LINC00632: variants seen among roughly 807,000 people sequenced by gnomAD.
LINC00632 encodes the protein long independently transcribed non-coding RNA 632.
intron 3 of LINC00632, among the ~76,000 whole-genome samples, chrX:140,736,058 G>T (rs1931138464): frequency 9.0e-6 from 1 of 111,445 alleles, no homozygotes; most frequent in South Asian, 3.7e-4. Flanking sequence ...ACGTTTTGAG[G>T]TGCATTATTA....
chrX:140,783,564 T>C, exon 5 of LINC00632: 1 of 1,187,698 alleles, frequency 8.4e-7, no homozygotes, highest in Non-Finnish European at 1.1e-6. Flanking sequence ...TAAATCTAGT[T>C]CTTCCAGAAA....
chrX:140,726,683 AT>A (rs1218333018), intron 2 of LINC00632, among the ~76,000 whole-genome samples: 1 of 111,647 alleles, frequency 9.0e-6, no homozygotes, highest in Non-Finnish European at 1.9e-5. Flanking sequence ...AGCACCCCAG[AT>A]TGCATCAGAG....
chrX:140,749,412 A>T (rs1457037587), intron 3 of LINC00632, among the ~76,000 whole-genome samples: 1 of 111,750 alleles, frequency 8.9e-6, no homozygotes, highest in Non-Finnish European at 1.9e-5. Flanking sequence ...TCTTGAAGTT[A>T]AACTAATTGG....
chrX:140,771,335 G>T (rs961619767), intron 3 of LINC00632, among the ~76,000 whole-genome samples: 1 of 101,698 alleles, frequency 9.8e-6, no homozygotes, highest in African/African-American at 4.1e-5. Flanking sequence ...ATATAGAGAG[G>T]ATTAAAAATA....
chrX:140,772,135 C>A, exon 4 of LINC00632: 1 of 295,227 alleles, frequency 3.4e-6, no homozygotes, highest in Non-Finnish European at 5.9e-6. Flanking sequence ...GTTCCACGAT[C>A]GCTTCACAAC....
chrX:140,780,681 G>A (rs1216533238), exon 5 of LINC00632, among the ~76,000 whole-genome samples: 5 of 111,841 alleles, frequency 4.5e-5, no homozygotes, highest in Non-Finnish European at 9.4e-5. Flanking sequence ...GTAAGTCTAC[G>A]TAATCTTACT....
At chrX:140,761,524 CGTT>C (rs1329423284) in intron 3 of LINC00632, among the ~76,000 whole-genome samples, 1 of 112,438 alleles carries the variant, frequency 8.9e-6, no homozygotes, top group African/African-American at 3.2e-5. Context: ...TCTAAGCAAA[CGTT>C]GTTTTGTAGG....
chrX:140,713,696 C>G (rs1000942877), intron 2 of LINC00632: 1 of 342,178 alleles, frequency 2.9e-6, no homozygotes, highest in Non-Finnish European at 5.9e-6. Context: ...CCGACAAGCA[C>G]CACAGCAAAA....
intron 3 of LINC00632, among the ~76,000 whole-genome samples, chrX:140,763,465 A>G (rs1321190356): frequency 9.0e-6 from 1 of 110,946 alleles, no homozygotes; most frequent in African/African-American, 3.3e-5. Context: ...TCAGAAAGAA[A>G]GCACACAGTT....
At chrX:140,728,971 C>T (rs937384453) in intron 2 of LINC00632, among the ~76,000 whole-genome samples, 1 of 110,907 alleles carries the variant, frequency 9.0e-6, no homozygotes, top group African/African-American at 3.3e-5. Flanking sequence ...ACAGATTTGC[C>T]GCACAACACT....
chrX:140,764,480 GGC>G (rs1249197510), intron 3 of LINC00632: 1 of 112,205 alleles, frequency 8.9e-6, no homozygotes, highest in East Asian at 2.8e-4. Context: ...GGGGTAAGGG[GGC>G]GACCCCGCCC....
At chrX:140,776,914 A>G (rs1931879310) in exon 5 of LINC00632, among the ~76,000 whole-genome samples, 1 of 111,585 alleles carries the variant, frequency 9.0e-6, no homozygotes, top group Non-Finnish European at 1.9e-5. Context: ...GATAGACTGG[A>G]TAAAGAAAAT....
At chrX:140,745,526 G>A (rs937041691) in intron 3 of LINC00632, among the ~76,000 whole-genome samples, 1 of 111,066 alleles carries the variant, frequency 9.0e-6, no homozygotes, top group African/African-American at 3.3e-5. Flanking sequence ...CATTCCCTAA[G>A]CTGAACATCA....
chrX:140,748,337 A>G (rs1176099863), intron 3 of LINC00632, among the ~76,000 whole-genome samples: 1 of 112,292 alleles, frequency 8.9e-6, no homozygotes, highest in Admixed American at 9.5e-5. Flanking sequence ...TGTTTGGGAA[A>G]ATATGCTTCT....
chrX:140,789,201 TATA>T (rs916443387), exon 5 of LINC00632, among the ~76,000 whole-genome samples: 7 of 108,678 alleles, frequency 6.4e-5, no homozygotes, highest in Admixed American at 4.0e-4. Flanking sequence ...CATTAAATGT[TATA>T]ATAATAGAAT....
At chrX:140,778,547 G>A (rs1779804713) in exon 5 of LINC00632, among the ~76,000 whole-genome samples, 1 of 108,158 alleles carries the variant, frequency 9.2e-6, no homozygotes, top group South Asian at 4.1e-4. Flanking sequence ...GGAGGTTGCA[G>A]TGAGCCAAGA....
chrX:140,735,943 AATTT>A (rs1931137283), intron 3 of LINC00632, among the ~76,000 whole-genome samples: 1 of 111,624 alleles, frequency 9.0e-6, no homozygotes, highest in African/African-American at 3.3e-5. Context: ...AAATATTCAT[AATTT>A]ATTTGGCAAA....
intron 3 of LINC00632, among the ~76,000 whole-genome samples, chrX:140,757,107 T>C (rs1315805629): frequency 1.2e-4 from 13 of 111,100 alleles, no homozygotes; most frequent in African/African-American, 3.6e-4. Context: ...GAGAGAAGAA[T>C]TGGCTCCATA....
At chrX:140,716,965 A>G (rs370805676) in intron 2 of LINC00632, among the ~76,000 whole-genome samples, 53 of 110,760 alleles carry the variant, frequency 4.8e-4, no homozygotes, top group East Asian at 4.6e-3. Flanking sequence ...GCATCACATG[A>G]TAACACAGAG....
Sources: allele counts gnomAD v4.1 joint callset (sites outside exome capture counted in the v4.1 genomes callset), GRCh38; gene constraint gnomAD v4.1.1; transcripts MANE v1.5; gene names NCBI Gene and HGNC (gene_info 2026-07-23, HGNC 2026-07-21).